Variants in CYP39A1 observed in about 807,000 individuals in gnomAD.
CYP39A1 encodes cytochrome P450 family 39 subfamily A member 1, also known as 24-hydroxycholesterol 7-alpha-hydroxylase.
A neutral mutation model predicts 58.1 loss-of-function variants in CYP39A1; 49 were observed. The observed-to-expected ratio is 0.84, with a 90% CI of 0.67 to 1.07. CYP39A1 has a LOEUF of 1.07. CYP39A1 is among the 50% of genes least tolerant of loss of function. The pLI is 0.00. For synonymous variants in CYP39A1, 209 were observed against 187.6 expected (o/e 1.11, Z -0.93); for missense variants, 531 against 539.4 (o/e 0.98, Z 0.16).
intron 10 of CYP39A1, among the ~76,000 whole-genome samples, chr6:46,575,009 G>A (rs1281304142): frequency 6.6e-6 from 1 of 152,062 alleles, no homozygotes; most frequent in Non-Finnish European, 1.5e-5. Flanking sequence ...AGTAGAGAAA[G>A]TTGGGAACAC....
chr6:46,647,467 T>A (rs1305717678), intron 1 of CYP39A1, among the ~76,000 whole-genome samples: 1 of 152,216 alleles, frequency 6.6e-6, no homozygotes, highest in Non-Finnish European at 1.5e-5. Context: ...CTAATTTACC[T>A]ATTTTAATGT....
chr6:46,606,918 G>T (rs1181674501), intron 7 of CYP39A1, among the ~76,000 whole-genome samples: 2 of 152,134 alleles, frequency 1.3e-5, no homozygotes, highest in South Asian at 2.1e-4. Flanking sequence ...TGCTATAAGA[G>T]ATAGGGAGGA....
chr6:46,554,699 A>G (rs947173689), intron 10 of CYP39A1, among the ~76,000 whole-genome samples: 9 of 152,152 alleles, frequency 5.9e-5, no homozygotes, highest in Admixed American at 3.9e-4. Flanking sequence ...GGATAGGGAA[A>G]CCTTTTAGGA....
intron 10 of CYP39A1, chr6:46,586,590 T>C: frequency 2.0e-6 from 2 of 985,052 alleles, no homozygotes; most frequent in Non-Finnish European, 2.4e-6. Context: ...GGGTGCCAGA[T>C]TAATTTAACT....
chr6:46,601,462 A>T (rs1773497602), intron 7 of CYP39A1, among the ~76,000 whole-genome samples: 1 of 152,148 alleles, frequency 6.6e-6, no homozygotes, highest in Non-Finnish European at 1.5e-5. Context: ...AGCCGTATCT[A>T]TCCCTCTAGT....
chr6:46,564,087 GT>G (rs148402829), intron 10 of CYP39A1, among the ~76,000 whole-genome samples: 76 of 142,060 alleles, frequency 5.3e-4, no homozygotes, highest in African/African-American at 2.0e-3. Context: ...GACCTAGTTT[GT>G]TTTTTATTTT....
At chr6:46,612,578 A>T (rs1774278661) in intron 7 of CYP39A1, among the ~76,000 whole-genome samples, 2 of 152,226 alleles carry the variant, frequency 1.3e-5, no homozygotes, top group African/African-American at 2.4e-5. Context: ...TGGATTTTAA[A>T]AGCTAGGCTA....
rs1035246888 is a variant in CYP39A1, at chr6:46,642,170, A to G, written c.306T>C (p.Tyr102=). The change falls in exon 2 of 12, where the codon TAT becomes TAC. Residue 102 remains tyrosine, a synonymous_variant. Coordinates refer to ENST00000275016, the MANE Select transcript of CYP39A1 (RefSeq NM_016593.5). ...DFELAVQNIV[Y]RTASIPKNVF... is the part of the protein sequence containing the mutation. Reference sequence around the variant, plus strand: ...TCTGAAAATATTCTTTACCTGTACGATAAACGATATTTTGCACTGCTAGTT... The same window carrying G: ...TCTGAAAATATTCTTTACCTGTACGGTAAACGATATTTTGCACTGCTAGTT... 2 of 1,612,580 alleles carry G rather than the reference A, an allele frequency of 1.2e-6. No homozygotes were observed. The highest frequency in any genetic ancestry group is 2.7e-5 in the African/African-American group (2 of 74,860).
chr6:46,647,111 G>T (rs760254824), intron 1 of CYP39A1, among the ~76,000 whole-genome samples: 5 of 151,708 alleles, frequency 3.3e-5, no homozygotes, highest in African/African-American at 4.8e-5. Context: ...AAAAGGAGAT[G>T]ATTCTTGAAA....
intron 5 of CYP39A1, among the ~76,000 whole-genome samples, chr6:46,632,593 A>T (rs1775729042): frequency 6.6e-6 from 1 of 151,570 alleles, no homozygotes; most frequent in African/African-American, 2.4e-5. Context: ...AATTGTTTTT[A>T]TCTGTTCCTC....
At chr6:46,564,161 T>C (rs1030262189) in intron 10 of CYP39A1, among the ~76,000 whole-genome samples, 4 of 133,398 alleles carry the variant, frequency 3.0e-5, no homozygotes, top group Non-Finnish European at 6.0e-5. Context: ...TTCTATTTTA[T>C]TCTATTTTAT....
chr6:46,564,170 ATTCTATTTTATTCTAT>A (rs1437952285), intron 10 of CYP39A1, among the ~76,000 whole-genome samples: 1,469 of 133,684 alleles, frequency 0.011, 62 homozygotes, highest in African/African-American at 0.047. Context: ...ATTCTATTTT[ATTCTATTTTATTCTAT>A]TTTATTTTAT....
intron 10 of CYP39A1, among the ~76,000 whole-genome samples, chr6:46,580,341 T>A (rs1413420704): frequency 6.6e-6 from 1 of 152,180 alleles, no homozygotes; most frequent in African/African-American, 2.4e-5. Context: ...TTTCACTGTA[T>A]ACAAAAATCA....
chr6:46,585,092 A>T (rs1561966159), intron 10 of CYP39A1, among the ~76,000 whole-genome samples: 1 of 152,118 alleles, frequency 6.6e-6, no homozygotes, highest in Non-Finnish European at 1.5e-5. Context: ...TTACAGCATC[A>T]TGGTTCCCTT....
At chr6:46,583,608 T>C in intron 10 of CYP39A1, 1 of 984,800 alleles carries the variant, frequency 1.0e-6, no homozygotes, top group Non-Finnish European at 1.2e-6. Context: ...CAGAAATAAA[T>C]CACCAGACTT....
intron 10 of CYP39A1, among the ~76,000 whole-genome samples, chr6:46,578,720 C>A (rs1040745811): frequency 2.0e-5 from 3 of 151,988 alleles, no homozygotes; most frequent in Non-Finnish European, 2.9e-5. Flanking sequence ...TGGAAACATG[C>A]AGCTTTCGAA....
At chr6:46,625,870 A>G (rs139252382) in intron 6 of CYP39A1, among the ~76,000 whole-genome samples, 1,696 of 152,212 alleles carry the variant, frequency 0.011, 24 homozygotes, top group Non-Finnish European at 0.013. Context: ...ATGACACTTA[A>G]GAATATTAAT....
At chr6:46,583,061 C>T (rs1772237336) in intron 10 of CYP39A1, 2 of 985,052 alleles carry the variant, frequency 2.0e-6, no homozygotes, top group Admixed American at 1.2e-4. Context: ...ACTTTGTGGC[C>T]TAGGACTCCC....
At chr6:46,594,785 G>A (rs1773045319) in intron 8 of CYP39A1, among the ~76,000 whole-genome samples, 1 of 151,698 alleles carries the variant, frequency 6.6e-6, no homozygotes, top group East Asian at 1.9e-4. Flanking sequence ...CAAAAGCACA[G>A]GTAACCAAAG....
Sources: gnomAD v4.1 joint callset for allele counts (sites outside exome capture counted in the v4.1 genomes callset) on GRCh38, gnomAD v4.1.1 for gene constraint, MANE v1.5 for transcripts, NCBI Gene and HGNC (gene_info 2026-07-23, HGNC 2026-07-21) for gene names.